PARD3B: variants seen among roughly 807,000 people sequenced by gnomAD.
PARD3B encodes par-3 family cell polarity regulator beta.
In PARD3B, 103 loss-of-function variants were observed where a neutral mutation model predicts 130.2. The observed-to-expected ratio is 0.79, with a 90% CI of 0.67 to 0.93. The LOEUF is 0.93. Ranked by LOEUF, PARD3B falls within the 40% of genes least tolerant of loss-of-function variation. The pLI, the probability that PARD3B is intolerant of heterozygous loss-of-function variation, is 0.00. For synonymous variants in PARD3B, 583 were observed against 553.2 expected (o/e 1.05, Z -0.76); for missense variants, 1,609 against 1,499.2 (o/e 1.07, Z -1.21).
At chr2:204,843,991 A>G (rs1177906445) in intron 2 of PARD3B, among the ~76,000 whole-genome samples, 1 of 152,184 alleles carries the variant, frequency 6.6e-6, no homozygotes, top group Non-Finnish European at 1.5e-5. Flanking sequence ...ATGGCAATGC[A>G]CAAAGCTGAT....
chr2:204,675,435 T>C lies in PARD3B; in HGVS notation c.121-10746T>C, dbSNP rs538033024. 6.6e-6 allele frequency among the ~76,000 whole-genome samples: 1 copy of C among 152,242 alleles called. No individual in the cohort carries two copies. Among genetic ancestry groups the C allele is most frequent in the South Asian group, 2.1e-4 (1 of 4,824 alleles). On this transcript the variant is annotated intron_variant, in intron 1 of 22. Coordinates refer to ENST00000406610, the MANE Select transcript of PARD3B (RefSeq NM_001302769.2). The surrounding 1 kb of genome is among the most constrained non-coding windows in gnomAD (Gnocchi z 4.4). ...GAAGAGTTACATAAGGCCTATACTT[T>C]CATGCATTTAAGAGTGAGCCTTTAA...
chr2:204,974,451 T>C (rs1206999592), intron 3 of PARD3B, among the ~76,000 whole-genome samples: 1 of 152,226 alleles, frequency 6.6e-6, no homozygotes, highest in Non-Finnish European at 1.5e-5. Flanking sequence ...CATTTTGTTT[T>C]AAACTGTTGG....
chr2:205,074,068 T>C (rs1332351497), intron 4 of PARD3B, among the ~76,000 whole-genome samples: 1 of 152,206 alleles, frequency 6.6e-6, no homozygotes, highest in East Asian at 1.9e-4. Flanking sequence ...TTATTTTAAA[T>C]ATCCATTGCT....
intron 2 of PARD3B, among the ~76,000 whole-genome samples, chr2:204,957,653 GA>G (rs1178080671): frequency 3.9e-5 from 6 of 152,188 alleles, no homozygotes; most frequent in Admixed American, 6.5e-5. Flanking sequence ...AAAATCCTGG[GA>G]AGGAAGAGAA....
chr2:205,023,000 C>T (rs1696735489), intron 3 of PARD3B, among the ~76,000 whole-genome samples: 1 of 152,154 alleles, frequency 6.6e-6, no homozygotes, highest in Non-Finnish European at 1.5e-5. Context: ...TTAATAGCAA[C>T]TGAACTTGAA....
chr2:204,837,429 T>A (rs2044084584), intron 2 of PARD3B, among the ~76,000 whole-genome samples: 1 of 151,790 alleles, frequency 6.6e-6, no homozygotes, highest in South Asian at 2.1e-4. Context: ...TTACTTTTTT[T>A]TTTTTTTTTG....
Position 205,160,880 on chromosome 2 carries a change from T to A in PARD3B, c.1620+1973T>A, listed in dbSNP as rs561047290. ...AAGATTTGAATCCAGGCAGTCTGAC[T>A]CCAGAACCTGCGTTATGCTGCACTG... is the stretch of plus-strand genomic sequence containing the variant. On this transcript the variant is annotated intron_variant, in intron 11 of 22. Coordinates refer to ENST00000406610, the MANE Select transcript of PARD3B (RefSeq NM_001302769.2). The surrounding 1 kb of genome is among the most constrained non-coding windows in gnomAD (Gnocchi z 4.0). Among the ~76,000 whole-genome samples the A allele has an allele frequency of 2.0e-5, 3 of 152,328 alleles. No homozygotes were observed. The South Asian group carries it at 6.2e-4, about 32-fold the overall frequency.
At chr2:204,954,888 T>C (rs1559296210) in intron 2 of PARD3B, among the ~76,000 whole-genome samples, 1 of 152,250 alleles carries the variant, frequency 6.6e-6, no homozygotes, top group East Asian at 1.9e-4. Flanking sequence ...TATTTGTCTT[T>C]AGAAGGTGGT....
chr2:204,547,150 T>C (rs1310416656), intron 1 of PARD3B, among the ~76,000 whole-genome samples: 1 of 152,226 alleles, frequency 6.6e-6, no homozygotes, highest in Non-Finnish European at 1.5e-5. Context: ...ACGTAAGTTT[T>C]AATTTCTTTT....
intron 18 of PARD3B, among the ~76,000 whole-genome samples, chr2:205,392,581 A>T (rs1172742434): frequency 6.6e-6 from 1 of 152,214 alleles, no homozygotes. Flanking sequence ...TTCAGGGTTT[A>T]AACTGCCTGA....
chr2:205,147,605 G>A (rs982589846), intron 10 of PARD3B, among the ~76,000 whole-genome samples: 1 of 151,792 alleles, frequency 6.6e-6, no homozygotes, highest in African/African-American at 2.4e-5. Flanking sequence ...CATGGGGATG[G>A]GTTTTTAAAA....
chr2:204,924,512 A>G (rs180741984), intron 2 of PARD3B, among the ~76,000 whole-genome samples: 7 of 152,198 alleles, frequency 4.6e-5, no homozygotes, highest in African/African-American at 1.4e-4. Context: ...GAAGATATCA[A>G]TTAGTTACTA....
At chr2:205,580,049 T>G (rs2053907682) in intron 22 of PARD3B, among the ~76,000 whole-genome samples, 1 of 152,180 alleles carries the variant, frequency 6.6e-6, no homozygotes, top group African/African-American at 2.4e-5. Context: ...CATAAAGAGA[T>G]TTGTCCCTTG....
At chr2:204,863,564 G>A (rs577420409) in intron 2 of PARD3B, among the ~76,000 whole-genome samples, 1 of 152,282 alleles carries the variant, frequency 6.6e-6, no homozygotes, top group South Asian at 2.1e-4. Flanking sequence ...CGGTTGCCTG[G>A]CTAAGGAATC....
At chr2:205,334,140 C>G (rs1416482187) in intron 18 of PARD3B, among the ~76,000 whole-genome samples, 1 of 152,176 alleles carries the variant, frequency 6.6e-6, no homozygotes, top group African/African-American at 2.4e-5. Flanking sequence ...TCTTCTTTAA[C>G]TGGTGGACTA....
intron 11 of PARD3B, among the ~76,000 whole-genome samples, chr2:205,163,625 C>T (rs1168894476): frequency 6.6e-6 from 1 of 152,158 alleles, no homozygotes; most frequent in South Asian, 2.1e-4. Flanking sequence ...AAATGCACAT[C>T]TCTAGAATAT....
At position 205,470,099 on chromosome 2, in the gene PARD3B, A is replaced by G. The variant is rs1179704128; in HGVS notation, c.3044+29427A>G. Among the ~76,000 whole-genome samples the G allele has an allele frequency of 6.6e-6, 1 of 152,056 alleles. No homozygotes were observed. Among genetic ancestry groups the G allele is most frequent in the Non-Finnish European group, 1.5e-5 (1 of 68,014 alleles). On this transcript the variant is annotated intron_variant, in intron 20 of 22. Coordinates refer to ENST00000406610, the MANE Select transcript of PARD3B (RefSeq NM_001302769.2). This position sits in a 1 kb window ranked among gnomAD's most constrained non-coding sequence, Gnocchi z 4.8. ...TTAATGTCTGTGTGCATCTTTCCTC[A>G]CCTACAGACACACAGGGTGGAACTA...
chr2:204,727,799 A>G (rs1052501007), intron 2 of PARD3B, among the ~76,000 whole-genome samples: 1 of 152,162 alleles, frequency 6.6e-6, no homozygotes, highest in Admixed American at 6.5e-5. Flanking sequence ...TGGCATTGGC[A>G]TGATCAGTGG....
At position 204,943,154 on chromosome 2, in the gene PARD3B, A is replaced by ATG. The variant is rs904473098; in HGVS notation, c.223-21986_223-21985dup. Reference sequence around the variant, plus strand: ...AGTTTTTCACATTCTTAATGTGTGTATGTGTGTGTGTGTATGTGTATGCAT... The same window carrying ATG: ...AGTTTTTCACATTCTTAATGTGTGTATGTGTGTGTGTGTGTATGTGTATGCAT... On this transcript the variant is annotated intron_variant, in intron 2 of 22. Transcript: ENST00000406610. The surrounding 1 kb of genome is among the most constrained non-coding windows in gnomAD (Gnocchi z 4.2). 9.9e-5 allele frequency among the ~76,000 whole-genome samples: 15 copies of ATG among 151,398 alleles called. No individual in the cohort carries two copies. The highest frequency in any genetic ancestry group is 2.9e-4 in the African/African-American group (12 of 41,152).
Sources: allele counts gnomAD v4.1 joint callset (sites outside exome capture counted in the v4.1 genomes callset), GRCh38; gene constraint gnomAD v4.1.1; non-coding constraint Gnocchi (gnomAD v3.1); transcripts MANE v1.5; gene names NCBI Gene and HGNC (gene_info 2026-07-23, HGNC 2026-07-21).